Variants in UBE2O observed in about 807,000 individuals in gnomAD.
UBE2O encodes ubiquitin conjugating enzyme E2 O.
UBE2O carries 15 observed loss-of-function variants against 125.8 expected under a neutral mutation model. The ratio of observed to expected loss-of-function variants is 0.12; its 90% CI spans 0.08 to 0.18. The LOEUF (loss-of-function observed/expected upper bound fraction) is 0.18, where lower values mean the gene tolerates loss of function less well. Among genes scored for constraint, UBE2O ranks in the 10% least tolerant of loss-of-function variants. The probability of loss-of-function intolerance (pLI) is 1.00; values close to 1 mark genes in which losing one functional copy is unlikely to be tolerated. For missense variants in UBE2O, 1,280 were observed against 1,723.6 expected, an observed-to-expected ratio of 0.74 and a Z score of 4.56; for synonymous variants, 708 against 703.2, an observed-to-expected ratio of 1.01 and a Z score of -0.11.
Position 76,391,689 on chromosome 17 carries a change from G to C in UBE2O, c.3208+67C>G. On this transcript the variant is annotated intron_variant, in intron 17 of 17. Coordinates refer to ENST00000319380, the MANE Select transcript of UBE2O (RefSeq NM_022066.4). The surrounding 1 kb of genome is among the most constrained non-coding windows in gnomAD (Gnocchi z 8.4). Reference sequence around the variant, plus strand: ...AGGCCTACCCTCCACCTGCCAGGGGGACTATCAGAGTCACTTTCCTCCACC... The same window carrying C: ...AGGCCTACCCTCCACCTGCCAGGGGCACTATCAGAGTCACTTTCCTCCACC... 6.2e-7 allele frequency: 1 copy of C among 1,605,896 alleles called. No homozygotes were observed. The highest frequency in any genetic ancestry group is 1.1e-5 in the South Asian group (1 of 89,880).
Position 76,390,385 on chromosome 17 carries a change from G to C in UBE2O, c.*558C>G, listed in dbSNP as rs1435249176. ...TGGTCGACAGGCCATGTATAGCCGG[G>C]AGTCAGTGACAGCAGCTACAACTCC... On this transcript the variant is annotated 3_prime_UTR_variant, in exon 18 of 18. Transcript: ENST00000319380. The C allele has an allele frequency of 2.0e-5, 3 of 153,572 alleles. No individual in the cohort carries two copies. Among genetic ancestry groups the C allele is most frequent in the African/African-American group, 4.8e-5 (2 of 41,474 alleles). The allele number at this position is 153,572 out of a possible 1,614,324, so 9.5% of individuals were successfully genotyped here.
intron 1 of UBE2O, among the ~76,000 whole-genome samples, chr17:76,418,127 C>T (rs571498317): frequency 6.6e-6 from 1 of 152,258 alleles, no homozygotes; most frequent in African/African-American, 2.4e-5. Context: ...CCCACACTGC[C>T]CTGGGACGCC....
chr17:76,406,899 C>A (rs900596357), intron 1 of UBE2O, among the ~76,000 whole-genome samples: 2 of 152,018 alleles, frequency 1.3e-5, no homozygotes, highest in African/African-American at 4.8e-5. Context: ...GGGGCTTCAC[C>A]ATGTTGGCCA....
At chr17:76,444,734 A>G (rs796696738) in intron 1 of UBE2O, among the ~76,000 whole-genome samples, 6 of 152,344 alleles carry the variant, frequency 3.9e-5, no homozygotes, top group African/African-American at 1.4e-4. Flanking sequence ...GGATGACCCA[A>G]AAGCACACTG....
At chr17:76,436,806 G>A (rs2073004266) in intron 1 of UBE2O, among the ~76,000 whole-genome samples, 2 of 152,180 alleles carry the variant, frequency 1.3e-5, no homozygotes, top group Non-Finnish European at 2.9e-5. Context: ...ATAAAATGGG[G>A]ATTAGTGAAA....
At chr17:76,435,803 G>A (rs546588) in intron 1 of UBE2O, among the ~76,000 whole-genome samples, 2,228 of 152,266 alleles carry the variant, frequency 0.015, 18 homozygotes, top group Middle Eastern at 0.027. Context: ...CTGAAGGCAC[G>A]ACAGACCAGC....
At chr17:76,403,352 C>G (rs913586332) in intron 3 of UBE2O, among the ~76,000 whole-genome samples, 1 of 152,110 alleles carries the variant, frequency 6.6e-6, no homozygotes, top group African/African-American at 2.4e-5. Context: ...TTAATGCAAC[C>G]TCCATCTTTG....
intron 1 of UBE2O, among the ~76,000 whole-genome samples, chr17:76,445,777 A>G (rs1000687362): frequency 2.0e-5 from 3 of 152,250 alleles, no homozygotes; most frequent in African/African-American, 2.4e-5. Flanking sequence ...AATTCCAATA[A>G]GCATTTTGCT....
At chr17:76,420,474 A>C (rs758798133) in intron 1 of UBE2O, among the ~76,000 whole-genome samples, 47 of 152,068 alleles carry the variant, frequency 3.1e-4, no homozygotes, top group Non-Finnish European at 5.7e-4. Flanking sequence ...AGACTCGCCC[A>C]CATCTTTACC....
intron 1 of UBE2O, among the ~76,000 whole-genome samples, chr17:76,412,232 A>G (rs2072528276): frequency 6.6e-6 from 1 of 152,248 alleles, no homozygotes; most frequent in Non-Finnish European, 1.5e-5. Context: ...CTGAAGGTCC[A>G]GCAGCCACAC....
At chr17:76,428,773 T>C (rs2072854799) in intron 1 of UBE2O, among the ~76,000 whole-genome samples, 1 of 152,168 alleles carries the variant, frequency 6.6e-6, no homozygotes, top group South Asian at 2.1e-4. Flanking sequence ...ACAGATGTGA[T>C]AAAGGGTGTG....
rs375747340 is a variant in UBE2O at position 76,398,806 on chromosome 17, C to T, written c.1783+31G>A. The stretch of plus-strand genomic sequence containing the variant: ...ACCCGGGCCCTCATTGGCGACCACC[C>T]TGCTGGCTGCCCTTCCAGAGCTGGC... On this transcript the variant is annotated intron_variant, in intron 10 of 17. Transcript: ENST00000319380. The surrounding 1 kb of genome is among the most constrained non-coding windows in gnomAD (Gnocchi z 5.4). 1.2e-6 allele frequency: 2 copies of T among 1,607,704 alleles called. No individual in the cohort carries two copies. Among genetic ancestry groups the T allele is most frequent in the African/African-American group, 2.7e-5 (2 of 74,852 alleles).
intron 1 of UBE2O, among the ~76,000 whole-genome samples, chr17:76,438,939 T>C (rs918981834): frequency 2.2e-4 from 34 of 152,292 alleles, no homozygotes; most frequent in African/African-American, 7.0e-4. Flanking sequence ...TCCTCCTAAC[T>C]GGCCTCCAGG....
At chr17:76,394,097 G>A (rs1427374830) in intron 15 of UBE2O, among the ~76,000 whole-genome samples, 1 of 152,234 alleles carries the variant, frequency 6.6e-6, no homozygotes, top group Non-Finnish European at 1.5e-5. Flanking sequence ...AAGCAGCACT[G>A]GGCCTTAGGA....
chr17:76,409,600 TGGTCAG>T (rs2072483801), intron 1 of UBE2O, among the ~76,000 whole-genome samples: 1 of 152,038 alleles, frequency 6.6e-6, no homozygotes, highest in Non-Finnish European at 1.5e-5. Context: ...TTCACCATGT[TGGTCAG>T]GCTGGTCTCC....
intron 1 of UBE2O, among the ~76,000 whole-genome samples, chr17:76,421,225 A>G (rs1236028770): frequency 6.6e-6 from 1 of 152,208 alleles, no homozygotes; most frequent in Non-Finnish European, 1.5e-5. Flanking sequence ...ACCGTAGGGA[A>G]ACACTGCAGA....
chr17:76,399,751 T>C lies in UBE2O; in HGVS notation c.1326A>G (p.Pro442=), dbSNP rs757907694. ...PEETPDGSAS[P]VEMQDEGAEE... is the part of the protein sequence containing the mutation. ...CTGCACCCTCGTCCTGCATCTCCAC[T>C]GGACTGGCAGAGCCATCGGGCGTCT... is the stretch of plus-strand genomic sequence containing the variant. Residue 442 remains proline, a synonymous_variant, in exon 9 of 18, where the codon CCA becomes CCG. Transcript: ENST00000319380. The surrounding 1 kb of genome is among the most constrained non-coding windows in gnomAD (Gnocchi z 6.9). 4 of 1,614,182 alleles carry C rather than the reference T, an allele frequency of 2.5e-6. No homozygotes were observed. Among genetic ancestry groups the C allele is most frequent in the Middle Eastern group, 1.6e-4 (1 of 6,062 alleles).
intron 1 of UBE2O, among the ~76,000 whole-genome samples, chr17:76,437,620 G>A (rs1037808767): frequency 6.6e-6 from 1 of 152,074 alleles, no homozygotes; most frequent in Non-Finnish European, 1.5e-5. Flanking sequence ...TCACCACAAT[G>A]CCCAGGCTGG....
At chr17:76,408,528 TAC>T (rs1323395560) in intron 1 of UBE2O, among the ~76,000 whole-genome samples, 1 of 152,190 alleles carries the variant, frequency 6.6e-6, no homozygotes, top group South Asian at 2.1e-4. Flanking sequence ...TCCCCAGAGC[TAC>T]AGAGACAGGG....
Sources: allele counts gnomAD v4.1 joint callset (sites outside exome capture counted in the v4.1 genomes callset), GRCh38; gene constraint gnomAD v4.1.1; non-coding constraint Gnocchi (gnomAD v3.1); transcripts MANE v1.5; gene names NCBI Gene and HGNC (gene_info 2026-07-23, HGNC 2026-07-21).